B3GAT2: variants seen among roughly 807,000 people sequenced by gnomAD.
The protein encoded by B3GAT2 is beta-1,3-glucuronyltransferase 2.
B3GAT2 carries 26 observed loss-of-function variants against 27.8 expected under a neutral mutation model. The ratio of observed to expected loss-of-function variants is 0.93; its 90% CI spans 0.68 to 1.30. The LOEUF (loss-of-function observed/expected upper bound fraction) is 1.30, where lower values mean the gene tolerates loss of function less well. Among genes scored for constraint, B3GAT2 ranks in the 50% most tolerant of loss-of-function variants. The pLI, the probability that B3GAT2 is intolerant of heterozygous loss-of-function variation, is 0.00. For missense variants in B3GAT2, 458 were observed against 459.0 expected, an observed-to-expected ratio of 1.00 and a Z score of 0.02; for synonymous variants, 218 against 195.1, an observed-to-expected ratio of 1.12 and a Z score of -0.98.
rs531712821 is a variant in B3GAT2, at chr6:70,881,575, G to A, written c.736+12553C>T. ...CAGGGAAACTCAACACTTCAGAGGC[G>A]GCTTCACCAGTGGGCTGTGATAGAG... On this transcript the variant is annotated intron_variant, in intron 2 of 3. Transcript: ENST00000230053. Among the ~76,000 whole-genome samples, 31 of 152,208 alleles carry A rather than the reference G, an allele frequency of 2.0e-4. 1 individual carries two copies. In the South Asian group the frequency reaches 6.2e-3, roughly 31 times the overall value.
At chr6:70,888,444 G>C (rs1772226653) in intron 2 of B3GAT2, among the ~76,000 whole-genome samples, 1 of 152,054 alleles carries the variant, frequency 6.6e-6, no homozygotes, top group Non-Finnish European at 1.5e-5. Context: ...AAAGATCTAA[G>C]TGTCTGCTGA....
Position 70,861,212 on chromosome 6 carries a change from C to G in B3GAT2, c.*451G>C, listed in dbSNP as rs1562210366. 5.9e-6 allele frequency: 1 copy of G among 170,748 alleles called. No homozygotes were observed. The highest frequency in any genetic ancestry group is 1.3e-5 in the Non-Finnish European group (1 of 78,508). 10.6% of individuals were successfully genotyped at this position (170,748 alleles called of 1,614,324 possible). ...TTATTTCCTATGATGTATACTGCCACTAACCTTCCAAAAATTACTTAGTAT... is the reference window on the plus strand; with the variant it reads ...TTATTTCCTATGATGTATACTGCCAGTAACCTTCCAAAAATTACTTAGTAT... On this transcript the variant is annotated 3_prime_UTR_variant, in exon 4 of 4. Transcript: ENST00000230053.
rs1340384466 is a variant in B3GAT2, at chr6:70,955,911, G to A, written c.519C>T (p.His173=). 4 of 1,601,054 alleles carry A rather than the reference G, an allele frequency of 2.5e-6. No homozygotes were observed. In the South Asian group the frequency reaches 4.5e-5, roughly 18 times the overall value. Residue 173 remains histidine, a synonymous_variant, in exon 1 of 4, where the codon CAC becomes CAT. Transcript: ENST00000230053. Reference sequence around the variant, plus strand: ...AGAGCACGCCGGGCTGCGCGCGCTGGTGCTGGTGCCTCTGGCGCAGCCAGG... The same window carrying A: ...AGAGCACGCCGGGCTGCGCGCGCTGATGCTGGTGCCTCTGGCGCAGCCAGG... ...GLAWLRQRHQ[H]QRAQPGVLFF...
chr6:70,939,060 C>A lies in B3GAT2; in HGVS notation c.591+16779G>T, dbSNP rs565824638. Among the ~76,000 whole-genome samples the A allele has an allele frequency of 2.0e-5, 3 of 152,038 alleles. No homozygotes were observed. The South Asian group carries it at 6.3e-4, about 32-fold the overall frequency. ...ACTCAAACAAATTTACAAGAAAAAA[C>A]CAACCAACCCCATCAACAAGTGGGC... On this transcript the variant is annotated intron_variant, in intron 1 of 3. Coordinates refer to ENST00000230053, the MANE Select transcript of B3GAT2 (RefSeq NM_080742.3).
At chr6:70,896,936 T>C (rs922643567) in intron 1 of B3GAT2, among the ~76,000 whole-genome samples, 2 of 152,230 alleles carry the variant, frequency 1.3e-5, no homozygotes, top group African/African-American at 2.4e-5. Context: ...AGAAGTGGAA[T>C]GGCTGGATCA....
At chr6:70,930,333 T>C (rs562591471) in intron 1 of B3GAT2, among the ~76,000 whole-genome samples, 1 of 152,260 alleles carries the variant, frequency 6.6e-6, no homozygotes, top group Non-Finnish European at 1.5e-5. Flanking sequence ...AAAGTCAAAA[T>C]TGACAAATGG....
chr6:70,872,212 T>C (rs985209882), intron 2 of B3GAT2, among the ~76,000 whole-genome samples: 3 of 151,988 alleles, frequency 2.0e-5, no homozygotes, highest in Non-Finnish European at 4.4e-5. Flanking sequence ...TTACATCTAA[T>C]TGATTTACAG....
chr6:70,901,300 T>C (rs1027479880), intron 1 of B3GAT2, among the ~76,000 whole-genome samples: 2 of 152,170 alleles, frequency 1.3e-5, no homozygotes, highest in African/African-American at 2.4e-5. Context: ...CTTGCTATGA[T>C]GTGATGGGAA....
intron 2 of B3GAT2, among the ~76,000 whole-genome samples, chr6:70,884,623 C>G (rs997480568): frequency 1.3e-5 from 2 of 152,088 alleles, no homozygotes; most frequent in African/African-American, 4.8e-5. Context: ...GGGGCATCCA[C>G]GTGTGATGGA....
Position 70,858,340 on chromosome 6 carries a change from A to G in B3GAT2, c.*3323T>C, listed in dbSNP as rs1771534397. On this transcript the variant is annotated 3_prime_UTR_variant, in exon 4 of 4. Coordinates refer to ENST00000230053, the MANE Select transcript of B3GAT2 (RefSeq NM_080742.3). ...TAAGTCTAGTGATCTGGCAGAAAGA[A>G]TTCAATAGGGATAATATGTTATAGG... 1.1e-6 allele frequency: 1 copy of G among 928,502 alleles called. No homozygotes were observed. The highest frequency in any genetic ancestry group is 1.5e-6 in the Non-Finnish European group (1 of 661,210). 57.5% of individuals were successfully genotyped at this position (928,502 alleles called of 1,614,324 possible).
intron 2 of B3GAT2, among the ~76,000 whole-genome samples, chr6:70,875,910 T>A (rs1188263992): frequency 6.6e-6 from 1 of 152,176 alleles, no homozygotes; most frequent in Non-Finnish European, 1.5e-5. Context: ...CTGAATCTTC[T>A]AAGGAAACAA....
chr6:70,896,182 G>A (rs1772381807), intron 1 of B3GAT2, among the ~76,000 whole-genome samples: 1 of 152,020 alleles, frequency 6.6e-6, no homozygotes, highest in Non-Finnish European at 1.5e-5. Context: ...GAGGTGGTAT[G>A]CTGTGTGTGA....
chr6:70,932,892 C>G (rs569849998), intron 1 of B3GAT2, among the ~76,000 whole-genome samples: 4 of 152,244 alleles, frequency 2.6e-5, no homozygotes, highest in African/African-American at 9.6e-5. Context: ...ACCTCAAACT[C>G]CAGGTCTCAA....
chr6:70,934,460 A>G (rs1773110342), intron 1 of B3GAT2, among the ~76,000 whole-genome samples: 2 of 151,314 alleles, frequency 1.3e-5, no homozygotes, highest in Admixed American at 6.6e-5. Context: ...CCCACCTAAT[A>G]TAACCTCCAG....
chr6:70,930,701 G>A (rs963587934), intron 1 of B3GAT2, among the ~76,000 whole-genome samples: 1 of 152,200 alleles, frequency 6.6e-6, no homozygotes, highest in Non-Finnish European at 1.5e-5. Flanking sequence ...TGCTGGAGAG[G>A]ATGGGAGAAA....
intron 1 of B3GAT2, among the ~76,000 whole-genome samples, chr6:70,924,967 G>A (rs1772928981): frequency 6.6e-6 from 1 of 152,192 alleles, no homozygotes; most frequent in Admixed American, 6.5e-5. Context: ...TTGGCCTTTT[G>A]AGATGTCTTT....
chr6:70,861,808 G>A lies in B3GAT2; in HGVS notation c.885+22C>T, dbSNP rs146238276. The A allele has an allele frequency of 1.1e-3, 1,765 of 1,613,976 alleles. 1 individual carries two copies. The highest frequency in any genetic ancestry group is 1.4e-3 in the Non-Finnish European group (1,633 of 1,179,916). On this transcript the variant is annotated intron_variant, in intron 3 of 3. Transcript: ENST00000230053. ...TCTTCATGGTGACACTCGAGGTCGG[G>A]CAGCACAAGTGTAATGAATACCTTA...
rs748935490 is a variant in B3GAT2, at chr6:70,902,635, T to TAC, written c.592-8364_592-8363insGT. The stretch of plus-strand genomic sequence containing the variant: ...AAAATGGGATATATATATATATATA[T>TAC]ATACACACACACACACACACACACA... On this transcript the variant is annotated intron_variant, in intron 1 of 3. Coordinates refer to ENST00000230053, the MANE Select transcript of B3GAT2 (RefSeq NM_080742.3). Among the ~76,000 whole-genome samples the TAC allele has an allele frequency of 5.7e-3, 821 of 143,224 alleles. 5 individuals are homozygous for TAC. The highest frequency in any genetic ancestry group is 0.01 in the Non-Finnish European group (669 of 65,576). The allele number at this position is 143,224 out of a possible 152,430, so 94.0% of individuals were successfully genotyped here. A position where few individuals can be genotyped will look rare whatever the true frequency, so the allele number is the denominator to read the frequency against.
intron 2 of B3GAT2, among the ~76,000 whole-genome samples, chr6:70,876,349 C>G (rs2150025280): frequency 6.6e-6 from 1 of 152,308 alleles, no homozygotes; most frequent in African/African-American, 2.4e-5. Flanking sequence ...GACTGGAAAT[C>G]TTCAGAGTTT....
Sources: allele counts gnomAD v4.1 joint callset (sites outside exome capture counted in the v4.1 genomes callset), GRCh38; gene constraint gnomAD v4.1.1; transcripts MANE v1.5; gene names NCBI Gene and HGNC (gene_info 2026-07-23, HGNC 2026-07-21).